Variants in DGKI observed in about 807,000 individuals in gnomAD.
DGKI encodes DAG kinase iota.
In DGKI, 55 loss-of-function variants were observed where a neutral mutation model predicts 147.5. The observed-to-expected ratio is 0.37, with a 90% CI of 0.30 to 0.47. The LOEUF is 0.47. Ranked by LOEUF, DGKI falls within the 20% of genes least tolerant of loss-of-function variation. DGKI has a pLI of 1.00. For synonymous variants in DGKI, 469 were observed against 477.1 expected (o/e 0.98, Z 0.22); for missense variants, 1,007 against 1,323.8 (o/e 0.76, Z 3.71).
chr7:137,425,097 T>TCCCTGAC (rs1316705545), intron 28 of DGKI, among the ~76,000 whole-genome samples: 3 of 151,142 alleles, frequency 2.0e-5, no homozygotes, highest in Non-Finnish European at 2.9e-5. Context: ...CTCAAATGGG[T>TCCCTGAC]CCCTGACCCC....
intron 1 of DGKI, among the ~76,000 whole-genome samples, chr7:137,769,255 C>G (rs1467865681): frequency 2.6e-5 from 4 of 151,964 alleles, no homozygotes; most frequent in Non-Finnish European, 5.9e-5. Context: ...CAATGGTGGT[C>G]GAGGGTAAAG....
rs192127433 is a variant in DGKI, at chr7:137,387,793, C to T, written c.*3427G>A. ...GTGCCATTTTTATAATTTAAAAAAA[C>T]CCCTAAATATTATTAATAAAATTGA... is the stretch of plus-strand genomic sequence containing the variant. On this transcript the variant is annotated 3_prime_UTR_variant, in exon 33 of 33. Transcript: ENST00000614521. The T allele has an allele frequency of 3.6e-4, 55 of 152,192 alleles. No individual in the cohort carries two copies. Among genetic ancestry groups the T allele is most frequent in the Non-Finnish European group, 6.0e-4 (41 of 68,006 alleles). 9.4% of individuals were successfully genotyped at this position (152,192 alleles called of 1,614,324 possible).
At position 137,578,333 on chromosome 7, in the gene DGKI, A is replaced by G. The variant is rs377407698; in HGVS notation, c.1643-8T>C. On this transcript the variant is annotated splice_region_variant and splice_polypyrimidine_tract_variant and intron_variant, in intron 15 of 32. Transcript: ENST00000614521. Reference sequence around the variant, plus strand: ...ATTTCTCTGGATTTGCTTCTGTGAAAGAGGAAAAGTAGTTTTGTTATGGAG... The same window carrying G: ...ATTTCTCTGGATTTGCTTCTGTGAAGGAGGAAAAGTAGTTTTGTTATGGAG... The G allele has an allele frequency of 5.0e-6, 8 of 1,612,750 alleles. No individual in the cohort carries two copies. In the African/African-American group the frequency reaches 1.1e-4, roughly 22 times the overall value.
At chr7:137,444,201 TG>T in intron 27 of DGKI, 99 bp from the exon 28 acceptor site, 1 of 753,666 alleles carries the variant, frequency 1.3e-6, no homozygotes, top group Non-Finnish European at 2.1e-6. Flanking sequence ...TTGAATTAAA[TG>T]GAAAGTCAAT....
chr7:137,402,906 CA>C (rs1811814352), intron 30 of DGKI, among the ~76,000 whole-genome samples: 1 of 152,072 alleles, frequency 6.6e-6, no homozygotes, highest in Non-Finnish European at 1.5e-5. Context: ...AGAGGGAAGA[CA>C]AAATAACCCA....
At position 137,553,435 on chromosome 7, in the gene DGKI, G is replaced by A. The variant is rs189113145; in HGVS notation, c.1948-867C>T. 3.2e-3 allele frequency among the ~76,000 whole-genome samples: 493 copies of A among 152,072 alleles called. 3 individuals are homozygous for A. Among genetic ancestry groups the A allele is most frequent in the Middle Eastern group, 0.02 (6 of 294 alleles). On this transcript the variant is annotated intron_variant, in intron 19 of 32. Transcript: ENST00000614521. ...CTCTGGAAAGCAAAGCAGCTTTAAG[G>A]ATCAAAATGAAAGACAGAACTCAGT...
intron 6 of DGKI, among the ~76,000 whole-genome samples, chr7:137,643,818 G>T (rs994042377): frequency 1.3e-5 from 2 of 152,152 alleles, no homozygotes; most frequent in African/African-American, 4.8e-5. Context: ...AATGTTTATT[G>T]ATTTTCTTTT....
At chr7:137,754,280 T>G (rs1355594620) in intron 1 of DGKI, among the ~76,000 whole-genome samples, 5 of 152,140 alleles carry the variant, frequency 3.3e-5, no homozygotes, top group African/African-American at 1.2e-4. Context: ...ATCCACCCCC[T>G]GTCCCCAGGA....
chr7:137,607,473 T>C (rs1299550892), intron 10 of DGKI, among the ~76,000 whole-genome samples: 1 of 152,226 alleles, frequency 6.6e-6, no homozygotes, highest in Non-Finnish European at 1.5e-5. Flanking sequence ...AGGAACAGGC[T>C]ATGTCTTAAC....
chr7:137,617,337 T>C (rs1820569739), intron 8 of DGKI, among the ~76,000 whole-genome samples: 1 of 151,980 alleles, frequency 6.6e-6, no homozygotes, highest in Admixed American at 6.6e-5. Flanking sequence ...GGGGGTATTG[T>C]TCTATACTAA....
At chr7:137,789,382 T>C (rs1426119558) in intron 1 of DGKI, among the ~76,000 whole-genome samples, 2 of 152,172 alleles carry the variant, frequency 1.3e-5, no homozygotes, top group African/African-American at 4.8e-5. Flanking sequence ...ACTATAGTTT[T>C]AGCATCCGTA....
chr7:137,458,753 C>T (rs1474381533), intron 27 of DGKI, among the ~76,000 whole-genome samples: 1 of 152,152 alleles, frequency 6.6e-6, no homozygotes. Context: ...TAAGTAAATT[C>T]CCTCTCTATT....
intron 19 of DGKI, among the ~76,000 whole-genome samples, chr7:137,567,371 A>C (rs10237704): frequency 0.058 from 8,824 of 152,252 alleles, 624 homozygotes; most frequent in African/African-American, 0.17. Context: ...AAGGAGAAAG[A>C]AAGCCAGACA....
chr7:137,567,160 G>A (rs1216049550), intron 19 of DGKI, among the ~76,000 whole-genome samples: 6 of 151,600 alleles, frequency 4.0e-5, no homozygotes, highest in African/African-American at 1.5e-4. Flanking sequence ...GCTACTTGGG[G>A]GGCTAAGGCA....
chr7:137,719,636 A>G (rs1358440560), intron 1 of DGKI, among the ~76,000 whole-genome samples: 1 of 152,220 alleles, frequency 6.6e-6, no homozygotes, highest in East Asian at 1.9e-4. Flanking sequence ...CTTGCAAATC[A>G]CAAAGATATA....
intron 3 of DGKI, among the ~76,000 whole-genome samples, chr7:137,664,260 C>G (rs1484423412): frequency 6.6e-6 from 1 of 151,646 alleles, no homozygotes; most frequent in Non-Finnish European, 1.5e-5. Flanking sequence ...CGCCTGTAAT[C>G]CCAGCTACCC....
rs1390106169 is a variant in DGKI at position 137,843,723 on chromosome 7, C to T, written c.401+2739G>A. On this transcript the variant is annotated intron_variant, in intron 1 of 32. Coordinates refer to ENST00000614521, the MANE Select transcript of DGKI (RefSeq NM_001321708.2). Reference sequence around the variant, plus strand: ...ATTTTTAAACCCTAGCTTATATGTTCCTTAGCAACAGAAGGAGCAGATGAG... The same window carrying T: ...ATTTTTAAACCCTAGCTTATATGTTTCTTAGCAACAGAAGGAGCAGATGAG... Among the ~76,000 whole-genome samples the T allele has an allele frequency of 2.7e-5, 4 of 145,810 alleles. No homozygotes were observed. The South Asian group carries it at 6.7e-4, about 25-fold the overall frequency.
intron 28 of DGKI, among the ~76,000 whole-genome samples, chr7:137,417,070 C>A (rs1272495687): frequency 2.6e-5 from 4 of 152,080 alleles, no homozygotes; most frequent in East Asian, 1.9e-4. Flanking sequence ...AGATAATAAC[C>A]TTCTGAAGGA....
At chr7:137,528,714 C>T (rs1457777418) in intron 20 of DGKI, among the ~76,000 whole-genome samples, 1 of 152,136 alleles carries the variant, frequency 6.6e-6, no homozygotes, top group African/African-American at 2.4e-5. Flanking sequence ...GCTATTCCAT[C>T]TAATTCTATA....
Sources: gnomAD v4.1 joint callset for allele counts (sites outside exome capture counted in the v4.1 genomes callset) on GRCh38, gnomAD v4.1.1 for gene constraint, MANE v1.5 for transcripts, NCBI Gene and HGNC (gene_info 2026-07-23, HGNC 2026-07-21) for gene names.